Variants in NT5C2 observed in about 807,000 individuals in gnomAD.
NT5C2 encodes 5'-nucleotidase, cytosolic II, also known as cytosolic purine 5'-nucleotidase.
In NT5C2, 58 loss-of-function variants were observed where a neutral mutation model predicts 76.1. That is an observed-to-expected ratio of 0.76 (90% CI 0.62 to 0.95). The LOEUF is 0.95. Ranked by LOEUF, NT5C2 falls within the 40% of genes least tolerant of loss-of-function variation. The pLI is 0.00. For synonymous variants in NT5C2, 229 were observed against 237.4 expected, an observed-to-expected ratio of 0.96 and a Z score of 0.32; for missense variants, 478 against 690.3, an observed-to-expected ratio of 0.69 and a Z score of 3.45.
At chr10:103,112,901 A>G (rs779141268) in intron 4 of NT5C2, among the ~76,000 whole-genome samples, 7 of 152,218 alleles carry the variant, frequency 4.6e-5, no homozygotes, top group Non-Finnish European at 8.8e-5. Context: ...AGAAAATTTT[A>G]AGTGAGATCT....
At chr10:103,114,147 G>T (rs577681689) in intron 4 of NT5C2, among the ~76,000 whole-genome samples, 1 of 152,232 alleles carries the variant, frequency 6.6e-6, no homozygotes, top group Non-Finnish European at 1.5e-5. Context: ...CGGCTTGGTG[G>T]CTCACGCCTG....
chr10:103,123,320 CGTGCAGGAT>C (rs1565067389), intron 4 of NT5C2, among the ~76,000 whole-genome samples: 1 of 151,950 alleles, frequency 6.6e-6, no homozygotes, highest in East Asian at 1.9e-4. Context: ...CCAGGGTATA[CGTGCAGGAT>C]GTGCAGGTTT....
chr10:103,088,340 A>C lies in NT5C2; in HGVS notation c.*1332T>G, dbSNP rs2065945566. ...TTTTAATACCCTAACATACACAGTAATGATTCATTCTTGTTTAAAACAAGA... is the reference window on the plus strand; with the variant it reads ...TTTTAATACCCTAACATACACAGTACTGATTCATTCTTGTTTAAAACAAGA... On this transcript the variant is annotated 3_prime_UTR_variant, in exon 19 of 19. Transcript: ENST00000404739. 1 of 152,244 alleles carries C rather than the reference A, an allele frequency of 6.6e-6. No individual in the cohort carries two copies. The highest frequency in any genetic ancestry group is 6.5e-5 in the Admixed American group (1 of 15,286). 9.4% of individuals were successfully genotyped at this position (152,244 alleles called of 1,614,324 possible). A position where few individuals can be genotyped will look rare whatever the true frequency, so the allele number is the denominator to read the frequency against.
At chr10:103,111,685 G>T in intron 4 of NT5C2, 1 of 1,112,730 alleles carries the variant, frequency 9.0e-7, no homozygotes, top group South Asian at 4.6e-5. Flanking sequence ...GAAAAATAAA[G>T]GGCAAACCTC....
At chr10:103,140,681 T>A (rs1257542492) in intron 3 of NT5C2, among the ~76,000 whole-genome samples, 1 of 152,228 alleles carries the variant, frequency 6.6e-6, no homozygotes, top group East Asian at 1.9e-4. Context: ...TTTTCATGCA[T>A]CATTGCCAAC....
chr10:103,121,654 A>G (rs2075691054), intron 4 of NT5C2, among the ~76,000 whole-genome samples: 1 of 152,154 alleles, frequency 6.6e-6, no homozygotes, highest in African/African-American at 2.4e-5. Context: ...ATCACAGGCT[A>G]GTTTCTCTTA....
chr10:103,127,876 A>AT (rs1302263388), intron 4 of NT5C2, among the ~76,000 whole-genome samples: 1 of 151,432 alleles, frequency 6.6e-6, no homozygotes, highest in Non-Finnish European at 1.5e-5. Context: ...TAATTTTTAT[A>AT]TTTTTTGGTA....
chr10:103,094,262 C>A, intron 13 of NT5C2, 86 bp downstream of exon 13: 1 of 925,526 alleles, frequency 1.1e-6, no homozygotes, highest in Non-Finnish European at 1.7e-6. Context: ...AAAAAAAATT[C>A]CTGTTTCCTT....
chr10:103,180,126 C>A lies in NT5C2; in HGVS notation c.-25+1059G>T, dbSNP rs527387998. Among the ~76,000 whole-genome samples, 21 of 152,248 alleles carry A rather than the reference C, an allele frequency of 1.4e-4. No individual in the cohort carries two copies. The South Asian group carries it at 4.3e-3, about 32-fold the overall frequency. On this transcript the variant is annotated intron_variant, in intron 2 of 18. Transcript: ENST00000404739. ...TAGACATTTCATCAAAGAATATATA[C>A]AAATGGCAAATAAGCATATGAAGTG...
chr10:103,189,090 C>T (rs1303718552), intron 1 of NT5C2, among the ~76,000 whole-genome samples: 2 of 150,830 alleles, frequency 1.3e-5, no homozygotes, highest in African/African-American at 2.4e-5. Flanking sequence ...TGAAATTTAA[C>T]GGCTTAAAAA....
chr10:103,147,180 A>T (rs892181396), intron 3 of NT5C2, among the ~76,000 whole-genome samples: 1 of 152,236 alleles, frequency 6.6e-6, no homozygotes, highest in Non-Finnish European at 1.5e-5. Context: ...TGATCCAATC[A>T]TATCACTCTC....
Position 103,094,339 on chromosome 10 carries a change from ATGACTTACAGTATCCACC to A in NT5C2, c.912_921+8del. 6.6e-7 allele frequency: 1 copy of A among 1,516,088 alleles called. No individual in the cohort carries two copies. Among genetic ancestry groups the A allele is most frequent in the Non-Finnish European group, 9.2e-7 (1 of 1,090,562 alleles). The allele number at this position is 1,516,088 out of a possible 1,614,324, so 93.9% of individuals were successfully genotyped here. ...TGTGCTAGCAAGACAGATCATTCTC[ATGACTTACAGTATCCACC>A]TGACGCAGTACTGTGCCTTCTCCAA... On this transcript the variant is annotated splice_donor_variant and splice_donor_5th_base_variant and coding_sequence_variant and intron_variant, in exon 13 of 19. Transcript: ENST00000404739. LOFTEE classifies it high-confidence loss of function.
chr10:103,172,107 C>A (rs900775520), intron 3 of NT5C2, among the ~76,000 whole-genome samples: 1 of 151,610 alleles, frequency 6.6e-6, no homozygotes, highest in Non-Finnish European at 1.5e-5. Context: ...CTACTCGGGA[C>A]GGTGAGGCAG....
intron 4 of NT5C2, among the ~76,000 whole-genome samples, chr10:103,112,965 T>C (rs1224039803): frequency 6.6e-6 from 1 of 152,166 alleles, no homozygotes; most frequent in African/African-American, 2.4e-5. Context: ...TTTCCAAAAC[T>C]ATATGAAAAT....
At chr10:103,124,507 C>T (rs1195837599) in intron 4 of NT5C2, among the ~76,000 whole-genome samples, 1 of 152,122 alleles carries the variant, frequency 6.6e-6, no homozygotes, top group South Asian at 2.1e-4. Flanking sequence ...CAGATTTTTT[C>T]CCTTTCAGCT....
chr10:103,167,321 T>A (rs2086655524), intron 3 of NT5C2, among the ~76,000 whole-genome samples: 2 of 152,016 alleles, frequency 1.3e-5, no homozygotes, highest in African/African-American at 4.8e-5. Context: ...CCCAGTCCCA[T>A]ATGTATACTA....
intron 4 of NT5C2, among the ~76,000 whole-genome samples, chr10:103,138,168 A>C (rs1438117201): frequency 6.6e-6 from 1 of 152,222 alleles, no homozygotes; most frequent in Non-Finnish European, 1.5e-5. Flanking sequence ...CTTCTTGCCC[A>C]GTCCTCCATC....
At position 103,127,050 on chromosome 10, in the gene NT5C2, T is replaced by G. The variant is rs1267962992; in HGVS notation, c.175+12356A>C. Among the ~76,000 whole-genome samples the G allele has an allele frequency of 3.9e-5, 6 of 152,316 alleles. No homozygotes were observed. In the East Asian group the frequency reaches 1.2e-3, roughly 29 times the overall value. ...GTCTCAAACTCCTGGCTTCAAGCAA[T>G]CCACCTGCCTCAGCCAGTGGGGAGA... On this transcript the variant is annotated intron_variant, in intron 4 of 18. Coordinates refer to ENST00000404739, the MANE Select transcript of NT5C2 (RefSeq NM_001351169.2).
intron 3 of NT5C2, 130 bp downstream of exon 3, chr10:103,174,728 A>G: frequency 1.5e-6 from 1 of 682,174 alleles, no homozygotes; most frequent in South Asian, 1.7e-5. Flanking sequence ...TTAGAACTAG[A>G]TTTGTACCAT....
Sources: allele counts gnomAD v4.1 joint callset (sites outside exome capture counted in the v4.1 genomes callset), GRCh38; gene constraint gnomAD v4.1.1; transcripts MANE v1.5; gene names NCBI Gene and HGNC (gene_info 2026-07-23, HGNC 2026-07-21).